SLC6A16: variants seen among roughly 807,000 people sequenced by gnomAD.
SLC6A16 encodes orphan sodium- and chloride-dependent neurotransmitter transporter NTT5.
A neutral mutation model predicts 65.4 loss-of-function variants in SLC6A16; 54 were observed. The observed-to-expected ratio is 0.83, with a 90% CI of 0.66 to 1.04. The LOEUF (loss-of-function observed/expected upper bound fraction) is 1.04. Ranked by LOEUF, SLC6A16 falls within the 50% of genes least tolerant of loss-of-function variation. The probability of loss-of-function intolerance (pLI) is 0.00; values close to 1 mark genes in which losing one functional copy is unlikely to be tolerated. For missense variants in SLC6A16, 816 were observed against 914.0 expected, an observed-to-expected ratio of 0.89 and a Z score of 1.38; for synonymous variants, 330 against 346.5, an observed-to-expected ratio of 0.95 and a Z score of 0.53.
chr19:49,293,182 A>C, intron 10 of SLC6A16, 41 bp downstream of exon 10: 1 of 1,607,318 alleles, frequency 6.2e-7, no homozygotes, highest in Non-Finnish European at 8.5e-7. Flanking sequence ...ACCCTTCCCT[A>C]TAGTCCCATG....
At chr19:49,332,283 G>A in the SLC6A16 span, 16 of 456,598 alleles carry the variant, frequency 3.5e-5, no homozygotes, top group African/African-American at 2.4e-4. Flanking sequence ...TCAGCCGGGT[G>A]CGGTGGCTCA....
chr19:49,321,856 A>G (rs1001820929), intron 1 of SLC6A16, among the ~76,000 whole-genome samples: 1 of 151,996 alleles, frequency 6.6e-6, no homozygotes, highest in Non-Finnish European at 1.5e-5. Context: ...CAGGAGGTCA[A>G]CGCTACAGTG....
chr19:49,337,213 C>T, the SLC6A16 span: 8 of 1,614,010 alleles, frequency 5.0e-6, no homozygotes, highest in African/African-American at 1.3e-5. Flanking sequence ...CTCCACTCAG[C>T]GGGCCCAGGT....
chr19:49,335,726 CT>C, the SLC6A16 span: 1 of 1,614,000 alleles, frequency 6.2e-7, no homozygotes, highest in Non-Finnish European at 8.5e-7. This position sits in a 1 kb window ranked among gnomAD's most constrained non-coding sequence, Gnocchi z 4.6. Context: ...CCTCGGCAGC[CT>C]GATCTTCTGC....
chr19:49,322,740 A>G (rs968084780), intron 1 of SLC6A16, among the ~76,000 whole-genome samples: 5 of 151,192 alleles, frequency 3.3e-5, no homozygotes, highest in African/African-American at 9.7e-5. Context: ...AAATGGAAAA[A>G]TATCCCATGT....
the SLC6A16 span, chr19:49,338,104 C>T: frequency 6.4e-7 from 1 of 1,556,958 alleles, no homozygotes; most frequent in Admixed American, 2.0e-5. The surrounding 1 kb of genome is among the most constrained non-coding windows in gnomAD (Gnocchi z 5.0). Context: ...TCCACCCCAA[C>T]GTGGGCCCGA....
chr19:49,294,279 T>A, intron 8 of SLC6A16, 88 bp downstream of exon 8: 1 of 1,316,828 alleles, frequency 7.6e-7, no homozygotes, highest in Admixed American at 2.2e-5. Context: ...CTTCCGGGAT[T>A]TTTGCTGGTG....
chr19:49,292,196 G>A lies in SLC6A16; in HGVS notation c.1778+1027C>T, dbSNP rs536389396. ...AGCCTGGCCAACATGGTGAAACCCC[G>A]TCTCTACTAAGAATACAAAAATTAG... On this transcript the variant is annotated intron_variant, in intron 10 of 11. Transcript: ENST00000335875. This position sits in a 1 kb window ranked among gnomAD's most constrained non-coding sequence, Gnocchi z 4.3. 5.7e-4 allele frequency among the ~76,000 whole-genome samples: 87 copies of A among 152,096 alleles called. No individual in the cohort carries two copies. The highest frequency in any genetic ancestry group is 8.4e-4 in the African/African-American group (35 of 41,504).
intron 7 of SLC6A16, among the ~76,000 whole-genome samples, chr19:49,299,546 A>AAAAAAGAAAG (rs1555775036): frequency 9.6e-4 from 122 of 126,482 alleles, no homozygotes; most frequent in African/African-American, 3.8e-3. Flanking sequence ...AAAAAAAAAA[A>AAAAAAGAAAG]AAAGAAAGAA....
intron 10 of SLC6A16, 98 bp downstream of exon 10, chr19:49,293,125 T>G (rs1600604989): frequency 9.5e-7 from 1 of 1,053,076 alleles, no homozygotes; most frequent in Non-Finnish European, 1.4e-6. Flanking sequence ...TAAGGGTCCC[T>G]ATGTCACACT....
intron 1 of SLC6A16, among the ~76,000 whole-genome samples, chr19:49,319,919 A>T (rs1037249025): frequency 6.6e-6 from 1 of 152,178 alleles, no homozygotes; most frequent in African/African-American, 2.4e-5. Flanking sequence ...CACAAAAGTA[A>T]AATTGAAAAT....
chr19:49,314,988 G>A (rs1970591035), intron 1 of SLC6A16, among the ~76,000 whole-genome samples: 1 of 151,416 alleles, frequency 6.6e-6, no homozygotes, highest in Non-Finnish European at 1.5e-5. Flanking sequence ...TTCTAAGATA[G>A]CCACATGAAC....
chr19:49,306,521 T>C (rs944235158), intron 7 of SLC6A16, among the ~76,000 whole-genome samples: 2 of 150,628 alleles, frequency 1.3e-5, no homozygotes, highest in Non-Finnish European at 3.0e-5. Context: ...TTAATCACTA[T>C]CCTTAGTTCT....
chr19:49,291,138 T>G (rs1051152253), intron 10 of SLC6A16, among the ~76,000 whole-genome samples: 26 of 151,762 alleles, frequency 1.7e-4, no homozygotes, highest in Non-Finnish European at 1.6e-4. Context: ...TGGCCCTTGG[T>G]GAACTTATCT....
At chr19:49,335,375 G>C in the SLC6A16 span, 1 of 635,906 alleles carries the variant, frequency 1.6e-6, no homozygotes, top group South Asian at 1.9e-5. This position sits in a 1 kb window ranked among gnomAD's most constrained non-coding sequence, Gnocchi z 4.6. Context: ...ACATGAAGCG[G>C]GAGTGGGTGG....
the SLC6A16 span, chr19:49,335,529 C>T: frequency 5.0e-6 from 8 of 1,610,126 alleles, no homozygotes; most frequent in Non-Finnish European, 6.0e-6. The surrounding 1 kb of genome is among the most constrained non-coding windows in gnomAD (Gnocchi z 4.6). Context: ...CCGCTTACCC[C>T]ACTAGGTGAA....
rs958213549 is a variant in SLC6A16 at position 49,292,963 on chromosome 19, C to T, written c.1778+260G>A. Among the ~76,000 whole-genome samples the T allele has an allele frequency of 6.6e-6, 1 of 152,160 alleles. No homozygotes were observed. Among genetic ancestry groups the T allele is most frequent in the Non-Finnish European group, 1.5e-5 (1 of 68,040 alleles). On this transcript the variant is annotated intron_variant, in intron 10 of 11. Transcript: ENST00000335875. The surrounding 1 kb of genome is among the most constrained non-coding windows in gnomAD (Gnocchi z 4.3). ...ATCTGGTTATTGTCTCTCTAGACCA[C>T]TAAAATGTAAGCTTTCTGAGAATAG... is the stretch of plus-strand genomic sequence containing the variant.
At chr19:49,340,045 C>T in the SLC6A16 span, 2 of 1,497,978 alleles carry the variant, frequency 1.3e-6, no homozygotes, top group East Asian at 4.9e-5. Flanking sequence ...TCAGCCTCTA[C>T]CCCCACTTGT....
chr19:49,335,296 A>C, the SLC6A16 span: 1 of 542,738 alleles, frequency 1.8e-6, no homozygotes, highest in Non-Finnish European at 3.3e-6. This position sits in a 1 kb window ranked among gnomAD's most constrained non-coding sequence, Gnocchi z 4.6. Flanking sequence ...CCCCTCAGGT[A>C]CCAGAGCATG....
Sources: gnomAD v4.1 joint callset for allele counts (sites outside exome capture counted in the v4.1 genomes callset) on GRCh38, gnomAD v4.1.1 for gene constraint, Gnocchi (gnomAD v3.1) non-coding constraint, MANE v1.5 for transcripts, NCBI Gene and HGNC (gene_info 2026-07-23, HGNC 2026-07-21) for gene names.